Variants in HK1 observed in about 807,000 individuals in gnomAD.
HK1 encodes the protein hexokinase-1.
Under a neutral mutation model 91.6 loss-of-function variants are expected in HK1, and 28 were observed. That is an observed-to-expected ratio of 0.31 (90% confidence interval 0.23 to 0.42). The LOEUF is 0.42. Ranked by LOEUF, HK1 falls within the 10% of genes least tolerant of loss-of-function variation. The pLI, the probability that HK1 is intolerant of heterozygous loss-of-function variation, is 1.00. For synonymous variants in HK1, 430 were observed against 468.1 expected (o/e 0.92, Z 1.05); for missense variants, 770 against 1,219.8 (o/e 0.63, Z 5.49).
rs1213956148 is a variant in HK1, at chr10:69,276,106, A to T, written c.-391+5998A>T. 5.5e-3 allele frequency among the ~76,000 whole-genome samples: 254 copies of T among 45,784 alleles called. 11 individuals carry two copies. The highest frequency in any genetic ancestry group is 0.054 in the East Asian group (42 of 776). 30.0% of individuals were successfully genotyped at this position (45,784 alleles called of 152,430 possible). ...ACTCCTTTTCAAAAAAAAAAAAAAA[A>T]AAAAAAAAAAAAATACATATATATA... is the stretch of plus-strand genomic sequence containing the variant. On this transcript the variant is annotated intron_variant, in intron 1 of 21. Transcript: ENST00000360289.
intron 10 of HK1, among the ~76,000 whole-genome samples, chr10:69,383,758 G>A (rs182956458): frequency 2.1e-4 from 32 of 152,386 alleles, no homozygotes; most frequent in Middle Eastern, 3.4e-3. Flanking sequence ...TCATCCTTCA[G>A]TGGGCCACCT....
intron 3 of HK1, among the ~76,000 whole-genome samples, chr10:69,360,630 C>T (rs1849371988): frequency 6.6e-6 from 1 of 152,208 alleles, no homozygotes; most frequent in African/African-American, 2.4e-5. Context: ...TTGGGGCTCC[C>T]CACGCTGGGC....
chr10:69,362,208 A>G (rs1248309434), intron 3 of HK1, among the ~76,000 whole-genome samples: 2 of 152,174 alleles, frequency 1.3e-5, no homozygotes, highest in Non-Finnish European at 2.9e-5. Flanking sequence ...CATCTTTAAT[A>G]AGAGTGACTG....
chr10:69,338,498 A>G (rs1234622547), intron 1 of HK1: 6 of 1,288,180 alleles, frequency 4.7e-6, no homozygotes, highest in Admixed American at 2.3e-5. Context: ...CTTCTGATAG[A>G]TGGTCCACAG....
intron 13 of HK1, 78 bp from the exon 14 acceptor site, chr10:69,389,119 T>A: frequency 9.2e-7 from 1 of 1,083,374 alleles, no homozygotes; most frequent in Non-Finnish European, 1.4e-6. Context: ...CTGACTGCAG[T>A]GCAACAGACA....
chr10:69,278,021 G>A (rs888263553), intron 1 of HK1, among the ~76,000 whole-genome samples: 16 of 144,470 alleles, frequency 1.1e-4, no homozygotes, highest in Non-Finnish European at 2.4e-4. Flanking sequence ...CAACAACAGC[G>A]AGACTCCGTC....
intron 8 of HK1, among the ~76,000 whole-genome samples, chr10:69,378,383 A>G (rs1839222728): frequency 6.6e-6 from 1 of 151,960 alleles, no homozygotes; most frequent in Admixed American, 6.6e-5. Context: ...GGAGCGAGAC[A>G]GTATCACCAG....
At chr10:69,321,413 G>A (rs2132576291) in intron 1 of HK1, among the ~76,000 whole-genome samples, 1 of 152,340 alleles carries the variant, frequency 6.6e-6, no homozygotes, top group Admixed American at 6.5e-5. Flanking sequence ...GAAAGGCTAG[G>A]TGAAGGTGCG....
At chr10:69,377,913 C>A (rs1329630581) in intron 8 of HK1, among the ~76,000 whole-genome samples, 1 of 152,218 alleles carries the variant, frequency 6.6e-6, no homozygotes, top group Non-Finnish European at 1.5e-5. Context: ...ACAGAGCCAG[C>A]CAGCAACTAA....
intron 2 of HK1, among the ~76,000 whole-genome samples, chr10:69,283,410 G>A (rs1302254799): frequency 6.6e-6 from 1 of 151,210 alleles, no homozygotes; most frequent in Non-Finnish European, 1.5e-5. Flanking sequence ...GCCCATGATC[G>A]CACCACTGCA....
rs112878099 is a variant in HK1 at position 69,394,874 on chromosome 10, G to A, written c.2220-76G>A. 556 of 1,463,528 alleles carry A rather than the reference G, an allele frequency of 3.8e-4. 1 individual carries two copies. In the African/African-American group the frequency reaches 6.8e-3, roughly 18 times the overall value. The allele number at this position is 1,463,528 out of a possible 1,614,324, so 90.7% of individuals were successfully genotyped here. On this transcript the variant is annotated intron_variant, in intron 15 of 17. Transcript: ENST00000359426. ...CTTGAGGGGCAGTAGGAGACGCGGA[G>A]TGACCGTGAGACCGAGGGGTGACAG...
intron 8 of HK1, among the ~76,000 whole-genome samples, chr10:69,377,661 G>A (rs1437123553): frequency 2.0e-5 from 3 of 152,256 alleles, no homozygotes; most frequent in Admixed American, 2.0e-4. Flanking sequence ...CAGACTCACA[G>A]TAAAAAAGAA....
At chr10:69,354,649 T>TTAAA (rs1554819071) in intron 2 of HK1, among the ~76,000 whole-genome samples, 1 of 151,258 alleles carries the variant, frequency 6.6e-6, no homozygotes, top group African/African-American at 2.4e-5. Context: ...ATCAGGTGCC[T>TTAAA]TGAATGAATG....
intron 7 of HK1, among the ~76,000 whole-genome samples, chr10:69,370,839 A>T (rs1849962854): frequency 6.6e-6 from 1 of 152,160 alleles, no homozygotes; most frequent in South Asian, 2.1e-4. Context: ...TTCAGGTTAG[A>T]GTGGGTATTG....
rs189827204 is a variant in HK1 at position 69,321,497 on chromosome 10, C to A, written c.63+2487C>A. ...GGGACCTGCTGAGGATGGTTCCCCC[C>A]CAGCGTGGGCAGCCATGATGATTCA... is the stretch of plus-strand genomic sequence containing the variant. On this transcript the variant is annotated intron_variant, in intron 1 of 17. Transcript: ENST00000359426. 6.3e-3 allele frequency among the ~76,000 whole-genome samples: 964 copies of A among 152,348 alleles called. 14 individuals carry two copies. Among genetic ancestry groups the A allele is most frequent in the African/African-American group, 0.02 (837 of 41,574 alleles).
chr10:69,342,249 GTCTC>G (rs1848331066), intron 1 of HK1, among the ~76,000 whole-genome samples: 1 of 152,192 alleles, frequency 6.6e-6, no homozygotes, highest in Admixed American at 6.5e-5. Context: ...CTGTAAATCT[GTCTC>G]TCTATCCAGT....
intron 1 of HK1, among the ~76,000 whole-genome samples, chr10:69,277,488 G>A (rs1844528007): frequency 6.6e-6 from 1 of 152,046 alleles, no homozygotes; most frequent in African/African-American, 2.4e-5. Context: ...GATCACCTGA[G>A]CCTTGGGAGG....
intron 4 of HK1, among the ~76,000 whole-genome samples, chr10:69,367,889 A>G (rs1162300398): frequency 6.6e-6 from 1 of 152,248 alleles, no homozygotes; most frequent in South Asian, 2.1e-4. Context: ...TAGAATGTTT[A>G]CCATTGGATG....
Position 69,286,876 on chromosome 10 carries a change from G to T in HK1, c.-214-1795G>T, listed in dbSNP as rs573300560. On this transcript the variant is annotated intron_variant, in intron 2 of 21. Transcript: ENST00000360289. Reference sequence around the variant, plus strand: ...GGCCTCATGCTTTGCTTTGAACTAGGGGAACCATCAGTGCCTCTGTCGAGG... The same window carrying T: ...GGCCTCATGCTTTGCTTTGAACTAGTGGAACCATCAGTGCCTCTGTCGAGG... Among the ~76,000 whole-genome samples the T allele has an allele frequency of 3.6e-4, 55 of 152,266 alleles. 1 individual carries two copies. The highest frequency in any genetic ancestry group is 7.1e-4 in the Non-Finnish European group (48 of 68,028).
Sources: allele counts gnomAD v4.1 joint callset (sites outside exome capture counted in the v4.1 genomes callset), GRCh38; gene constraint gnomAD v4.1.1; transcripts MANE v1.5; gene names NCBI Gene and HGNC (gene_info 2026-07-23, HGNC 2026-07-21).